Variants in NUAK1 observed in about 807,000 individuals in gnomAD.
The protein encoded by NUAK1 is NUAK family kinase 1.
A neutral mutation model predicts 56.9 loss-of-function variants in NUAK1; 26 were observed. That is an observed-to-expected ratio of 0.46 (90% CI 0.33 to 0.63). The LOEUF (loss-of-function observed/expected upper bound fraction) is 0.63. Among genes scored for constraint, NUAK1 ranks in the 30% least tolerant of loss-of-function variants. The pLI, the probability that NUAK1 is intolerant of heterozygous loss-of-function variation, is 0.02. For missense variants in NUAK1, 727 were observed against 876.1 expected (o/e 0.83, Z 2.15); for synonymous variants, 337 against 336.0 (o/e 1.00, Z -0.03).
chr12:106,087,206 AG>A (rs2032581583), intron 2 of NUAK1, among the ~76,000 whole-genome samples: 1 of 152,236 alleles, frequency 6.6e-6, no homozygotes, highest in African/African-American at 2.4e-5. Flanking sequence ...TCCTGTAGAC[AG>A]GATGATGGGT....
At position 106,066,721 on chromosome 12, in the gene NUAK1, A is replaced by T; in HGVS notation, c.*81T>A. 1 of 1,170,138 alleles carries T rather than the reference A, an allele frequency of 8.5e-7. No homozygotes were observed. The highest frequency in any genetic ancestry group is 1.2e-6 in the Non-Finnish European group (1 of 819,638). The allele number at this position is 1,170,138 out of a possible 1,614,324, so 72.5% of individuals were successfully genotyped here. A position where few individuals can be genotyped will look rare whatever the true frequency, so the allele number is the denominator to read the frequency against. On this transcript the variant is annotated 3_prime_UTR_variant, in exon 7 of 7. Transcript: ENST00000261402. Reference sequence around the variant, plus strand: ...TTTCAGTCTGTTGTCACAGCCAGCAAAGAGGTAACCAGCCTGTGAGCCCAA... The same window carrying T: ...TTTCAGTCTGTTGTCACAGCCAGCATAGAGGTAACCAGCCTGTGAGCCCAA...
intron 6 of NUAK1, among the ~76,000 whole-genome samples, 153 bp from the exon 7 acceptor site, chr12:106,068,108 C>G (rs1425509265): frequency 6.6e-6 from 1 of 152,176 alleles, no homozygotes; most frequent in Admixed American, 6.5e-5. Context: ...GCAGGAAGCC[C>G]CAGCCTTTCA....
chr12:106,090,121 T>C (rs939695614), intron 2 of NUAK1, among the ~76,000 whole-genome samples: 4 of 152,132 alleles, frequency 2.6e-5, no homozygotes, highest in Non-Finnish European at 5.9e-5. Context: ...TGGAGCCAGT[T>C]TGGGAAACAC....
At chr12:106,085,811 A>T (rs1446218863) in intron 3 of NUAK1, among the ~76,000 whole-genome samples, 1 of 152,122 alleles carries the variant, frequency 6.6e-6, no homozygotes, top group Non-Finnish European at 1.5e-5. Flanking sequence ...TGCTCAAGGG[A>T]TCCTCCTGTC....
rs1047557011 is a variant in NUAK1 at position 106,086,983 on chromosome 12, G to A, written c.362-98C>T. 7 of 1,470,046 alleles carry A rather than the reference G, an allele frequency of 4.8e-6. No individual in the cohort carries two copies. The Admixed American group carries it at 1.2e-4, about 26-fold the overall frequency. 91.1% of individuals were successfully genotyped at this position (1,470,046 alleles called of 1,614,324 possible). On this transcript the variant is annotated intron_variant, in intron 2 of 6. Coordinates refer to ENST00000261402, the MANE Select transcript of NUAK1 (RefSeq NM_014840.3). ...AGAGAGGACAACGGAGATGTCGCCA[G>A]GCAGAGGATCGACTGATGGGTCAGA...
intron 1 of NUAK1, among the ~76,000 whole-genome samples, chr12:106,109,852 T>G (rs547717856): frequency 6.6e-6 from 1 of 152,326 alleles, no homozygotes; most frequent in East Asian, 1.9e-4. Flanking sequence ...AGGGGGTAAC[T>G]GCTAAATAAG....
intron 1 of NUAK1, among the ~76,000 whole-genome samples, chr12:106,118,739 T>C (rs528621578): frequency 1.3e-5 from 2 of 152,366 alleles, no homozygotes; most frequent in South Asian, 4.1e-4. Context: ...ATGTTCTCCA[T>C]GTAAAACATT....
At chr12:106,085,969 C>G (rs550381648) in intron 3 of NUAK1, among the ~76,000 whole-genome samples, 4 of 152,180 alleles carry the variant, frequency 2.6e-5, no homozygotes, top group Admixed American at 6.5e-5. Flanking sequence ...AGCCTCCCAA[C>G]TAGCTTGGAT....
At chr12:106,076,538 C>T (rs944571617) in intron 4 of NUAK1, among the ~76,000 whole-genome samples, 8 of 152,166 alleles carry the variant, frequency 5.3e-5, no homozygotes, top group African/African-American at 1.9e-4. Flanking sequence ...AGTTCAGCCT[C>T]AATTCTCGAA....
intron 1 of NUAK1, among the ~76,000 whole-genome samples, chr12:106,134,207 T>C (rs2033107175): frequency 1.3e-5 from 2 of 152,222 alleles, no homozygotes; most frequent in Admixed American, 1.3e-4. Flanking sequence ...ATGTTTGCCA[T>C]GGTCCCTTAC....
chr12:106,130,934 A>G (rs2136484990), intron 1 of NUAK1, among the ~76,000 whole-genome samples: 1 of 152,312 alleles, frequency 6.6e-6, no homozygotes. Context: ...AAGAACCCAG[A>G]GGTTAAAAAT....
chr12:106,110,061 A>G (rs2032842997), intron 1 of NUAK1, among the ~76,000 whole-genome samples: 2 of 152,172 alleles, frequency 1.3e-5, no homozygotes, highest in African/African-American at 4.8e-5. Flanking sequence ...ATCTGAAATC[A>G]GGAAGATCAG....
rs760500138 is a variant in NUAK1 at position 106,067,561 on chromosome 12, A to G, written c.1227T>C (p.His409=). Residue 409 remains histidine (H), a synonymous_variant, in exon 7 of 7, where the codon CAT becomes CAC. Coordinates refer to ENST00000261402, the MANE Select transcript of NUAK1 (RefSeq NM_014840.3). The surrounding 1 kb of genome is among the most constrained non-coding windows in gnomAD (Gnocchi z 6.0). ...CAATGAAGCCAGTGCTGTGAGAGCG[A>G]TGCTCGCTGTTGCTTCGCTTCTTCA... ...GILKKRSNSE[H]RSHSTGFIEG... 10 of 1,614,224 alleles carry G rather than the reference A, an allele frequency of 6.2e-6. No homozygotes were observed. The highest frequency in any genetic ancestry group is 1.6e-4 in the Middle Eastern group (1 of 6,062).
intron 1 of NUAK1, among the ~76,000 whole-genome samples, chr12:106,128,902 A>T (rs1039772148): frequency 2.6e-5 from 4 of 152,236 alleles, no homozygotes; most frequent in Non-Finnish European, 4.4e-5. Flanking sequence ...CAAGACATAC[A>T]TTAACTCCGC....
Position 106,106,416 on chromosome 12 carries a change from C to T in NUAK1, c.350G>A (p.Ser117Asn), listed in dbSNP as rs2032801470. ...MSSLNHPHII[S>N]IYEVFENKDK... ...AAAAAATCACTGACCTTCATAAATACTGATGATATGAGGATGGTTGAGAGA... is the reference window on the plus strand; with the variant it reads ...AAAAAATCACTGACCTTCATAAATATTGATGATATGAGGATGGTTGAGAGA... The change falls in exon 2 of 7, where the codon AGT (serine) becomes AAT (asparagine). Residue 117 changes from serine (S) to asparagine (N), a missense_variant. Physicochemically the swap from Ser to Asn is conservative, Grantham distance 46. Transcript: ENST00000261402. 3 of 1,605,658 alleles carry T rather than the reference C, an allele frequency of 1.9e-6. No individual in the cohort carries two copies. Among genetic ancestry groups the T allele is most frequent in the Non-Finnish European group, 2.5e-6 (3 of 1,176,796 alleles).
chr12:106,094,645 C>T (rs945885909), intron 2 of NUAK1, among the ~76,000 whole-genome samples: 3 of 152,172 alleles, frequency 2.0e-5, no homozygotes, highest in Non-Finnish European at 4.4e-5. Context: ...TTTGTTCACT[C>T]ACTGTCTTTT....
At chr12:106,123,640 G>A (rs551343793) in intron 1 of NUAK1, among the ~76,000 whole-genome samples, 53 of 152,196 alleles carry the variant, frequency 3.5e-4, no homozygotes, top group African/African-American at 1.3e-3. Context: ...TCTGGCTCTG[G>A]GAATTGAAAG....
intron 5 of NUAK1, 111 bp downstream of exon 5, chr12:106,072,613 C>T (rs1419205601): frequency 8.1e-7 from 1 of 1,239,732 alleles, no homozygotes; most frequent in Non-Finnish European, 1.1e-6. Context: ...GTTTTCCTTG[C>T]TGGCTTTTTT....
At chr12:106,107,101 T>C (rs953310429) in intron 1 of NUAK1, among the ~76,000 whole-genome samples, 9 of 152,144 alleles carry the variant, frequency 5.9e-5, no homozygotes, top group African/African-American at 2.2e-4. Flanking sequence ...CAAGCCACCT[T>C]CAATAGCACA....
Sources: gnomAD v4.1 joint callset for allele counts (sites outside exome capture counted in the v4.1 genomes callset) on GRCh38, gnomAD v4.1.1 for gene constraint, Gnocchi (gnomAD v3.1) non-coding constraint, MANE v1.5 for transcripts, NCBI Gene and HGNC (gene_info 2026-07-23, HGNC 2026-07-21) for gene names.